The following AGBL5 variants were observed in gnomAD, a reference collection of about 807,000 sequenced individuals.
AGBL5 encodes the protein AGBL carboxypeptidase 5, also known as cytosolic carboxypeptidase-like protein 5.
AGBL5 carries 51 observed loss-of-function variants against 88.0 expected under a neutral mutation model. That is an observed-to-expected ratio of 0.58 (90% CI 0.46 to 0.73). AGBL5 has a LOEUF of 0.73. Among genes scored for constraint, AGBL5 ranks in the 30% least tolerant of loss-of-function variants. AGBL5 has a pLI of 0.00. For synonymous variants in AGBL5, 446 were observed against 438.8 expected (o/e 1.02, Z -0.21); for missense variants, 1,031 against 1,162.2 (o/e 0.89, Z 1.64).
chr2:27,055,343 T>C, intron 6 of AGBL5, 90 bp downstream of exon 6: 1 of 1,501,164 alleles, frequency 6.7e-7, no homozygotes, highest in Non-Finnish European at 9.1e-7. Context: ...CTGGCTTCTG[T>C]GTTCCCAGTC....
At position 27,059,241 on chromosome 2, in the gene AGBL5, T is replaced by C. The variant is rs764495648; in HGVS notation, c.1926T>C (p.Phe642=). ...ACACCTTGAGTCGGGCACGAAGTTT[T>C]AGCACCGGCACAAGTGCCGGTGGTA... ...SENTLSRARS[F]STGTSAGGSS... Residue 642 remains phenylalanine (F), a synonymous_variant, in exon 11 of 15, where the codon TTT becomes TTC. Transcript: ENST00000360131. 9 of 1,613,982 alleles carry C rather than the reference T, an allele frequency of 5.6e-6. No individual in the cohort carries two copies. The South Asian group carries it at 7.7e-5, about 14-fold the overall frequency.
In AGBL5 at chr2:27,052,988, C is replaced by G; in HGVS notation, c.30C>G (p.Phe10Leu). The G allele has an allele frequency of 6.2e-7, 1 of 1,612,014 alleles. No homozygotes were observed. Among genetic ancestry groups the G allele is most frequent in the Non-Finnish European group, 8.5e-7 (1 of 1,178,852 alleles). Reference protein sequence around the residue: MELRCGGLLFSSRFDSGNLA... With the variant: MELRCGGLLLSSRFDSGNLA... ...AGCTGCGCTGTGGGGGATTGCTGTT[C>G]AGTTCTCGCTTTGATTCAGGGAATC... The change falls in exon 2 of 15, where the codon TTC becomes TTG. Residue 10 changes from phenylalanine (F) to leucine (L), a missense_variant. This residue lies in a region of AGBL5 where 540 missense variants were observed against 678.2 expected (regional missense o/e 0.80). Transcript: ENST00000360131.
At chr2:27,052,401 C>T (rs1468364921) in intron 1 of AGBL5, 1 of 152,322 alleles carries the variant, frequency 6.6e-6, no homozygotes, top group Non-Finnish European at 1.5e-5. Context: ...CCAGAATGTC[C>T]GCTCAGTACT....
At chr2:27,063,850 T>C (rs906506853) in intron 11 of AGBL5, among the ~76,000 whole-genome samples, 1 of 152,178 alleles carries the variant, frequency 6.6e-6, no homozygotes, top group Non-Finnish European at 1.5e-5. Flanking sequence ...CTTTGCCCAG[T>C]ACTATCCTAC....
Position 27,055,966 on chromosome 2 carries a change from A to G in AGBL5, c.1193A>G (p.Lys398Arg). The G allele has an allele frequency of 2.5e-6, 4 of 1,614,240 alleles. No individual in the cohort carries two copies. The highest frequency in any genetic ancestry group is 3.4e-6 in the Non-Finnish European group (4 of 1,180,040). Residue 398 changes from lysine (K) to arginine (R), a missense_variant, in exon 7 of 15, where the codon AAG becomes AGG. Physicochemically the swap from Lys to Arg is conservative, Grantham distance 26. Around this residue, in one of 2 missense-constraint regions of AGBL5, gnomAD observed 540 missense variants for 678.2 expected, o/e 0.80. Transcript: ENST00000360131. Reference protein sequence around the residue: ...AWKQTEPAEQKLNSVWIMPQQ... With the variant: ...AWKQTEPAEQRLNSVWIMPQQ... ...AAACAAACAGAGCCAGCAGAACAGA[A>G]GCTCAACAGTGTGTGGATTATGCCA...
rs1173410654 is a variant in AGBL5, at chr2:27,053,153, G to T, written c.195G>T (p.Thr65=). ...NVWTRPDCAE[T]EFENGNRSWF... is the part of the protein sequence containing the mutation. ...GGACCCGACCAGACTGTGCTGAAAC[G>T]GAATTTGAGAATGGGAACAGGTATA... The change falls in exon 2 of 15, where the codon ACG becomes ACT. Residue 65 remains threonine, a synonymous_variant. Transcript: ENST00000360131. This position sits in a 1 kb window ranked among gnomAD's most constrained non-coding sequence, Gnocchi z 4.9. 5.0e-6 allele frequency: 8 copies of T among 1,599,856 alleles called. No homozygotes were observed. Among genetic ancestry groups the T allele is most frequent in the Middle Eastern group, 1.7e-4 (1 of 6,006 alleles).
At chr2:27,058,216 G>A (rs889158036) in intron 9 of AGBL5, among the ~76,000 whole-genome samples, 184 bp from the exon 10 acceptor site, 5 of 152,184 alleles carry the variant, frequency 3.3e-5, no homozygotes, top group South Asian at 2.1e-4. Flanking sequence ...CCAAATTGGC[G>A]GTAGTTTAGG....
At chr2:27,050,775 A>C (rs557585359), upstream of AGBL5, among the ~76,000 whole-genome samples, 1 of 143,868 alleles carries the variant, frequency 7.0e-6, no homozygotes, top group Non-Finnish European at 1.6e-5. Flanking sequence ...ATCTTATCGC[A>C]GCGGAGCCTT....
At chr2:27,067,252 TAAAAAAAAAAAA>T (rs36064257) in intron 11 of AGBL5, among the ~76,000 whole-genome samples, 1 of 104,482 alleles carries the variant, frequency 9.6e-6, no homozygotes, top group Admixed American at 1.0e-4. Flanking sequence ...TGGAAACCTT[TAAAAAAAAAAAA>T]AAAAAAAAAA....
In AGBL5 at chr2:27,068,619, C is replaced by T. The variant is rs374301867; in HGVS notation, c.2243-13C>T. 1.6e-4 allele frequency: 265 copies of T among 1,613,140 alleles called. No individual in the cohort carries two copies. The highest frequency in any genetic ancestry group is 2.0e-4 in the Non-Finnish European group (239 of 1,179,472). ...TGTGACCCCTACCCTGATCAGTTTCCTCTGTTCCCTAGGGAGCAGTTGCTC... is the reference window on the plus strand; with the variant it reads ...TGTGACCCCTACCCTGATCAGTTTCTTCTGTTCCCTAGGGAGCAGTTGCTC... On this transcript the variant is annotated splice_polypyrimidine_tract_variant and intron_variant, in intron 12 of 14. Transcript: ENST00000360131.
At chr2:27,063,530 G>C (rs13014240) in intron 11 of AGBL5, among the ~76,000 whole-genome samples, 79,648 of 151,064 alleles carry the variant, frequency 0.53, 22,567 homozygotes, top group East Asian at 0.76. Context: ...AGGAGGCGGA[G>C]CTGGCAGTGA....
intron 11 of AGBL5, 144 bp from the exon 12 acceptor site, chr2:27,067,350 A>C (rs756382204): frequency 1.4e-6 from 1 of 692,732 alleles, no homozygotes; most frequent in Non-Finnish European, 2.4e-6. Flanking sequence ...TTATATTAAT[A>C]GTTACTTCAG....
chr2:27,056,012 A>C lies in AGBL5; in HGVS notation c.1239A>C (p.Glu413Asp). 1 of 1,614,240 alleles carries C rather than the reference A, an allele frequency of 6.2e-7. No homozygotes were observed. The highest frequency in any genetic ancestry group is 8.5e-7 in the Non-Finnish European group (1 of 1,180,036). Reference protein sequence around the residue: ...WIMPQQSAGLEESAPDTIPPK... With the variant: ...WIMPQQSAGLDESAPDTIPPK... ...TGCCACAACAGTCTGCGGGGCTTGA[A>C]GAGTCAGCCCCTGATACCATCCCCC... Residue 413 changes from glutamate (E) to aspartate (D), a missense_variant, in exon 7 of 15, where the codon GAA becomes GAC. Glu to Asp is a conservative substitution (Grantham distance 45, BLOSUM62 2). Around this residue, in one of 2 missense-constraint regions of AGBL5, gnomAD observed 540 missense variants for 678.2 expected, o/e 0.80. Coordinates refer to ENST00000360131, the MANE Select transcript of AGBL5 (RefSeq NM_021831.6).
intron 9 of AGBL5, among the ~76,000 whole-genome samples, chr2:27,058,140 G>C (rs1267393730): frequency 6.6e-6 from 1 of 152,058 alleles, no homozygotes; most frequent in African/African-American, 2.4e-5. Flanking sequence ...CCTGCTAGGA[G>C]AATTCCTTCA....
In AGBL5 at chr2:27,054,413, C is replaced by A; in HGVS notation, c.552-217C>A. The A allele has an allele frequency of 5.1e-6, 3 of 588,022 alleles. No homozygotes were observed. The South Asian group carries it at 6.9e-5, about 14-fold the overall frequency. The allele number at this position is 588,022 out of a possible 1,614,324, so 36.4% of individuals were successfully genotyped here. ...TTAAGTAATCTATTCTAGGAAGCCACAAACTGGGGAACAACAAGTTCACCC... is the reference window on the plus strand; with the variant it reads ...TTAAGTAATCTATTCTAGGAAGCCAAAAACTGGGGAACAACAAGTTCACCC... On this transcript the variant is annotated intron_variant, in intron 4 of 14. Transcript: ENST00000360131.
intron 12 of AGBL5, 80 bp downstream of exon 12, chr2:27,067,726 G>T: frequency 6.6e-7 from 1 of 1,512,096 alleles, no homozygotes. Context: ...CTAGTTGGGA[G>T]ACCAGGGGCA....
intron 5 of AGBL5, 32 bp downstream of exon 5, chr2:27,054,839 G>A (rs1216742298): frequency 1.3e-6 from 2 of 1,598,038 alleles, no homozygotes; most frequent in Admixed American, 3.4e-5. Flanking sequence ...GTAGTTCTTT[G>A]GCTTTTCTCT....
chr2:27,051,416 T>C (rs972014536), upstream of AGBL5: 5 of 152,240 alleles, frequency 3.3e-5, no homozygotes, highest in Non-Finnish European at 7.3e-5. Context: ...GTCTTTTTAT[T>C]TCGCAGTTGA....
intron 13 of AGBL5, 107 bp from the exon 14 acceptor site, chr2:27,069,466 T>C: frequency 6.5e-7 from 1 of 1,533,272 alleles, no homozygotes; most frequent in Non-Finnish European, 8.8e-7. Flanking sequence ...GTACCTCTAC[T>C]GATCCCTATA....
Sources: gnomAD v4.1 joint callset for allele counts (sites outside exome capture counted in the v4.1 genomes callset) on GRCh38, gnomAD v4.1.1 for gene constraint, gnomAD v4.1.1 regional missense constraint, Gnocchi (gnomAD v3.1) non-coding constraint, MANE v1.5 for transcripts, NCBI Gene and HGNC (gene_info 2026-07-23, HGNC 2026-07-21) for gene names.